CCL28: variants seen among roughly 807,000 people sequenced by gnomAD.
The protein encoded by CCL28 is C-C motif chemokine 28.
Under a neutral mutation model 7.1 loss-of-function variants are expected in CCL28, and 4 were observed. That is an observed-to-expected ratio of 0.56 (90% confidence interval 0.28 to 1.29). The LOEUF is 1.29. Among genes scored for constraint, CCL28 ranks in the 50% most tolerant of loss-of-function variants. The pLI is 0.11. For missense variants in CCL28, 151 were observed against 163.4 expected (o/e 0.92, Z 0.41); for synonymous variants, 55 against 57.8 (o/e 0.95, Z 0.22).
chr5:43,396,854 G>C (rs1172694614), intron 1 of CCL28, among the ~76,000 whole-genome samples: 1 of 152,226 alleles, frequency 6.6e-6, no homozygotes, highest in Non-Finnish European at 1.5e-5. Context: ...TGGCTGCCGT[G>C]GACCAGGAGA....
the CCL28 span, among the ~76,000 whole-genome samples, chr5:43,361,150 C>T: frequency 6.6e-6 from 1 of 152,170 alleles, no homozygotes; most frequent in African/African-American, 2.4e-5. Flanking sequence ...AGGATATGAT[C>T]TCATTCCTTT....
chr5:43,374,781 A>T (rs1406697957), downstream of CCL28, among the ~76,000 whole-genome samples: 1 of 37,566 alleles, frequency 2.7e-5, no homozygotes, highest in African/African-American at 1.2e-4. Context: ...ACTCTGTCTC[A>T]AAAAAAAAAA....
chr5:43,357,391 C>T, the CCL28 span, among the ~76,000 whole-genome samples: 1 of 152,156 alleles, frequency 6.6e-6, no homozygotes, highest in Non-Finnish European at 1.5e-5. Flanking sequence ...AGCAGACCAT[C>T]GTAATAGATT....
At chr5:43,406,332 G>C (rs1741278500) in intron 1 of CCL28, among the ~76,000 whole-genome samples, 2 of 151,986 alleles carry the variant, frequency 1.3e-5, no homozygotes, top group Admixed American at 1.3e-4. Flanking sequence ...GGGATGCAAG[G>C]CTGGTTCAAC....
rs553886940 is a variant in CCL28 at position 43,383,530 on chromosome 5, G to A, written c.192-1478C>T. The stretch of plus-strand genomic sequence containing the variant: ...GGAATATTAATTTGAAAGAAGTGGA[G>A]CATCTTAATAAGAGAATAATATATT... On this transcript the variant is annotated intron_variant, in intron 2 of 2. Coordinates refer to ENST00000361115, the MANE Select transcript of CCL28 (RefSeq NM_148672.3). Among the ~76,000 whole-genome samples, 21 of 152,176 alleles carry A rather than the reference G, an allele frequency of 1.4e-4. No homozygotes were observed. The East Asian group carries it at 3.7e-3, about 27-fold the overall frequency.
At chr5:43,387,104 C>A (rs1279536129) in intron 2 of CCL28, among the ~76,000 whole-genome samples, 1 of 152,236 alleles carries the variant, frequency 6.6e-6, no homozygotes, top group Non-Finnish European at 1.5e-5. Context: ...CCTGGAGCCA[C>A]AAATGGTGTT....
the CCL28 span, among the ~76,000 whole-genome samples, chr5:43,360,705 C>T: frequency 2.0e-5 from 3 of 151,956 alleles, no homozygotes; most frequent in African/African-American, 7.2e-5. Flanking sequence ...TTTCATATGC[C>T]TATTGGCCAC....
At chr5:43,362,009 A>G in the CCL28 span, among the ~76,000 whole-genome samples, 1 of 152,126 alleles carries the variant, frequency 6.6e-6, no homozygotes, top group African/African-American at 2.4e-5. Flanking sequence ...GAATTTTAAA[A>G]TAGTTTTTTT....
chr5:43,385,330 TAAA>T (rs1244791185), intron 2 of CCL28, among the ~76,000 whole-genome samples: 1 of 152,242 alleles, frequency 6.6e-6, no homozygotes, highest in Non-Finnish European at 1.5e-5. Context: ...TTATAAGGTA[TAAA>T]ACATAGGACC....
downstream of CCL28, among the ~76,000 whole-genome samples, chr5:43,377,750 T>TTTTTTTG (rs1561151422): frequency 4.7e-5 from 6 of 126,732 alleles, no homozygotes; most frequent in Non-Finnish European, 9.8e-5. Flanking sequence ...TTTTTTTTTT[T>TTTTTTTG]GAGACGGAGT....
intron 1 of CCL28, among the ~76,000 whole-genome samples, chr5:43,401,196 G>A (rs2111862735): frequency 6.6e-6 from 1 of 152,288 alleles, no homozygotes; most frequent in Non-Finnish European, 1.5e-5. Flanking sequence ...AGATCATGCA[G>A]TGGGTGCCAA....
chr5:43,370,994 G>A, the CCL28 span, among the ~76,000 whole-genome samples: 1 of 152,040 alleles, frequency 6.6e-6, no homozygotes, highest in Admixed American at 6.6e-5. Flanking sequence ...CACCCCCTTT[G>A]GCCTCCCAAA....
At chr5:43,395,090 T>C (rs924677788) in intron 1 of CCL28, among the ~76,000 whole-genome samples, 2 of 151,010 alleles carry the variant, frequency 1.3e-5, no homozygotes, top group Non-Finnish European at 3.0e-5. Flanking sequence ...TTGTATAAGA[T>C]AAAGATTTTC....
At chr5:43,407,113 A>G (rs1741315100) in intron 1 of CCL28, among the ~76,000 whole-genome samples, 1 of 152,224 alleles carries the variant, frequency 6.6e-6, no homozygotes, top group African/African-American at 2.4e-5. Flanking sequence ...GCTACCAGTG[A>G]CTTTCTTCAC....
At chr5:43,370,479 A>C in the CCL28 span, among the ~76,000 whole-genome samples, 1 of 152,020 alleles carries the variant, frequency 6.6e-6, no homozygotes, top group East Asian at 1.9e-4. Context: ...TTCTTCTAAT[A>C]TCTTTACCTG....
the CCL28 span, among the ~76,000 whole-genome samples, chr5:43,368,306 C>T: frequency 3.9e-5 from 6 of 152,180 alleles, no homozygotes; most frequent in Non-Finnish European, 7.3e-5. Context: ...GTATCTGAAG[C>T]TGCTAGTTGC....
At chr5:43,410,202 C>T (rs1251438707) in intron 1 of CCL28, among the ~76,000 whole-genome samples, 2 of 152,196 alleles carry the variant, frequency 1.3e-5, no homozygotes, top group East Asian at 3.8e-4. Context: ...TCCTCCCTCC[C>T]CACTTGGTTT....
At chr5:43,377,677 G>A (rs1226116334), downstream of CCL28, among the ~76,000 whole-genome samples, 1 of 114,986 alleles carries the variant, frequency 8.7e-6, no homozygotes, top group Admixed American at 9.6e-5. Flanking sequence ...TACTTTAAGC[G>A]TTTCATTTGA....
intron 1 of CCL28, among the ~76,000 whole-genome samples, chr5:43,393,057 G>A (rs556275553): frequency 1.5e-4 from 23 of 152,064 alleles, no homozygotes; most frequent in Non-Finnish European, 3.2e-4. Flanking sequence ...TATAGATTGT[G>A]AGTCAGAAAA....
Sources: gnomAD v4.1 joint callset for allele counts (sites outside exome capture counted in the v4.1 genomes callset) on GRCh38, gnomAD v4.1.1 for gene constraint, MANE v1.5 for transcripts, NCBI Gene and HGNC (gene_info 2026-07-23, HGNC 2026-07-21) for gene names.